The following RBFOX1 variants were observed in gnomAD, a reference collection of about 807,000 sequenced individuals.
The protein encoded by RBFOX1 is RNA binding fox-1 homolog 1, also known as RNA binding protein fox-1 homolog 1.
A neutral mutation model predicts 57.7 loss-of-function variants in RBFOX1; 8 were observed. That is an observed-to-expected ratio of 0.14 (90% CI 0.08 to 0.25). The LOEUF (loss-of-function observed/expected upper bound fraction) is 0.25, where lower values mean the gene tolerates loss of function less well. Among genes scored for constraint, RBFOX1 ranks in the 10% least tolerant of loss-of-function variants. RBFOX1 has a pLI of 1.00. For missense variants in RBFOX1, 611 were observed against 548.5 expected (o/e 1.11, Z -1.14); for synonymous variants, 326 against 222.4 (o/e 1.47, Z -4.15).
chr16:6,818,938 C>A lies in RBFOX1; in HGVS notation c.-16+164288C>A, dbSNP rs116916748. On this transcript the variant is annotated intron_variant, in intron 3 of 15. Coordinates refer to ENST00000550418, the MANE Select transcript of RBFOX1 (RefSeq NM_018723.4). ...GCATGCTGAACTGATAGAATGAAGT[C>A]GAAATTTTGGTAGCCACCTCTCCAT... Among the ~76,000 whole-genome samples the A allele has an allele frequency of 2.6e-5, 4 of 152,210 alleles. No individual in the cohort carries two copies. In the South Asian group the frequency reaches 8.3e-4, roughly 32 times the overall value.
At chr16:6,331,829 C>T (rs570759760) in intron 2 of RBFOX1, among the ~76,000 whole-genome samples, 2 of 151,742 alleles carry the variant, frequency 1.3e-5, no homozygotes, top group South Asian at 4.2e-4. Flanking sequence ...ATAGTTTCTT[C>T]TTCCCCTATT....
chr16:7,250,601 A>G (rs549619831), intron 4 of RBFOX1, among the ~76,000 whole-genome samples: 2 of 152,346 alleles, frequency 1.3e-5, no homozygotes, highest in Admixed American at 1.3e-4. Context: ...AGGGACGGGG[A>G]TCATAACTAT....
intron 3 of RBFOX1, among the ~76,000 whole-genome samples, chr16:5,797,096 G>A (rs1190088291): frequency 6.6e-6 from 1 of 152,150 alleles, no homozygotes; most frequent in African/African-American, 2.4e-5. Flanking sequence ...GGATGGTGAG[G>A]TCATCTTTGT....
intron 3 of RBFOX1, among the ~76,000 whole-genome samples, chr16:5,661,033 T>C (rs1399745671): frequency 6.6e-6 from 1 of 152,188 alleles, no homozygotes; most frequent in Non-Finnish European, 1.5e-5. Flanking sequence ...CTGGGAGTGC[T>C]AATTCAATGG....
intron 2 of RBFOX1, among the ~76,000 whole-genome samples, chr16:6,367,054 C>G (rs973539033): frequency 2.0e-5 from 3 of 152,218 alleles, no homozygotes; most frequent in Non-Finnish European, 4.4e-5. Flanking sequence ...CCTCATCCCA[C>G]TTCCGCAGCT....
intron 4 of RBFOX1, among the ~76,000 whole-genome samples, chr16:7,119,476 T>TG (rs1311204279): frequency 6.6e-6 from 1 of 151,972 alleles, no homozygotes; most frequent in Admixed American, 6.6e-5. Flanking sequence ...CAAAAATCCA[T>TG]GGGGGGAGTT....
At chr16:5,472,993 G>T (rs1314893768) in intron 2 of RBFOX1, among the ~76,000 whole-genome samples, 1 of 152,112 alleles carries the variant, frequency 6.6e-6, no homozygotes, top group Non-Finnish European at 1.5e-5. Context: ...GACACCAGCT[G>T]GCTCCAGTCA....
intron 3 of RBFOX1, among the ~76,000 whole-genome samples, chr16:7,018,134 A>T (rs181938997): frequency 2.6e-5 from 4 of 152,268 alleles, no homozygotes; most frequent in African/African-American, 9.6e-5. Flanking sequence ...AGGGAAGCCC[A>T]TCTGGAAATC....
intron 4 of RBFOX1, among the ~76,000 whole-genome samples, chr16:7,159,838 A>G (rs1271994661): frequency 2.6e-5 from 4 of 152,196 alleles, no homozygotes; most frequent in Non-Finnish European, 5.9e-5. Flanking sequence ...TGTAGTTTGC[A>G]TACTTGGAAT....
At chr16:6,800,643 CTT>C (rs1045255406) in intron 3 of RBFOX1, among the ~76,000 whole-genome samples, 5 of 152,180 alleles carry the variant, frequency 3.3e-5, no homozygotes, top group East Asian at 1.9e-4. Context: ...TTTGCAATTA[CTT>C]TTTTCTCTCC....
At chr16:5,720,858 G>A (rs1472541549) in intron 3 of RBFOX1, among the ~76,000 whole-genome samples, 1 of 152,138 alleles carries the variant, frequency 6.6e-6, no homozygotes, top group Non-Finnish European at 1.5e-5. Flanking sequence ...TTTAAATTGG[G>A]AAGTGTGAGT....
At chr16:5,295,013 G>C (rs1049224699) in intron 1 of RBFOX1, among the ~76,000 whole-genome samples, 5 of 99,680 alleles carry the variant, frequency 5.0e-5, no homozygotes, top group African/African-American at 1.6e-4. Flanking sequence ...CTGGGTGACA[G>C]AGTGAGACTC....
At chr16:7,700,046 C>T (rs188449992) in intron 14 of RBFOX1, among the ~76,000 whole-genome samples, 2 of 151,992 alleles carry the variant, frequency 1.3e-5, no homozygotes, top group African/African-American at 4.8e-5. Context: ...GGTTCAGGGC[C>T]CAGAACCTCC....
intron 1 of RBFOX1, among the ~76,000 whole-genome samples, chr16:6,298,433 C>A (rs2078396311): frequency 6.6e-6 from 1 of 152,186 alleles, no homozygotes; most frequent in African/African-American, 2.4e-5. Flanking sequence ...ATCCCTAAGA[C>A]ATAAAAAACA....
intron 3 of RBFOX1, among the ~76,000 whole-genome samples, chr16:6,970,177 G>T (rs1006662784): frequency 3.3e-5 from 5 of 150,668 alleles, no homozygotes; most frequent in Admixed American, 2.6e-4. Flanking sequence ...GACTCTGGGG[G>T]GAAAAAAATA....
chr16:5,512,414 C>T (rs1053007451), intron 2 of RBFOX1, among the ~76,000 whole-genome samples: 3 of 111,740 alleles, frequency 2.7e-5, no homozygotes, highest in African/African-American at 5.7e-5. Context: ...CTACTCCTCT[C>T]TCTTTCTCTC....
chr16:6,722,722 A>G (rs76604013), intron 3 of RBFOX1, among the ~76,000 whole-genome samples: 1,929 of 152,346 alleles, frequency 0.013, 63 homozygotes, highest in African/African-American at 0.043. Flanking sequence ...GATTTGTAGA[A>G]GCAGTCTGAA....
chr16:6,478,402 TATATATATATATATATATATATA>T (rs2095309230), intron 2 of RBFOX1, among the ~76,000 whole-genome samples: 21 of 11,290 alleles, frequency 1.9e-3, no homozygotes, highest in African/African-American at 4.2e-3. Flanking sequence ...TATATATATA[TATATATATATATATATATATATA>T]TATATTTTTT....
At chr16:5,940,817 C>T (rs999999121) in intron 4 of RBFOX1, among the ~76,000 whole-genome samples, 1 of 152,100 alleles carries the variant, frequency 6.6e-6, no homozygotes, top group Non-Finnish European at 1.5e-5. Flanking sequence ...GGCAGCTGTG[C>T]TGTGAGCATT....
Sources: gnomAD v4.1 joint callset for allele counts (sites outside exome capture counted in the v4.1 genomes callset) on GRCh38, gnomAD v4.1.1 for gene constraint, MANE v1.5 for transcripts, NCBI Gene and HGNC (gene_info 2026-07-23, HGNC 2026-07-21) for gene names.